The following RAB27B variants were observed in gnomAD, a reference collection of about 807,000 sequenced individuals.
RAB27B encodes ras-related protein Rab-27B.
RAB27B carries 15 observed loss-of-function variants against 24.6 expected under a neutral mutation model. That is an observed-to-expected ratio of 0.61 (90% confidence interval 0.41 to 0.94). The LOEUF (loss-of-function observed/expected upper bound fraction) is 0.94. RAB27B is among the 40% of genes least tolerant of loss of function. RAB27B has a pLI of 0.00. For synonymous variants in RAB27B, 105 were observed against 92.5 expected, an observed-to-expected ratio of 1.14 and a Z score of -0.78; for missense variants, 261 against 266.8, an observed-to-expected ratio of 0.98 and a Z score of 0.15.
intron 2 of RAB27B, among the ~76,000 whole-genome samples, chr18:54,785,007 C>G (rs1772577149): frequency 6.6e-6 from 1 of 152,202 alleles, no homozygotes; most frequent in African/African-American, 2.4e-5. Context: ...TGCCCCCTCC[C>G]CTTGGTGTAT....
rs547384607 is a variant in RAB27B at position 54,889,646 on chromosome 18, C to T, written c.*233C>T. The T allele has an allele frequency of 7.5e-5, 29 of 384,466 alleles. No homozygotes were observed. The highest frequency in any genetic ancestry group is 5.2e-4 in the African/African-American group (25 of 48,406). The allele number at this position is 384,466 out of a possible 1,614,324, so 23.8% of individuals were successfully genotyped here. A position where few individuals can be genotyped will look rare whatever the true frequency, so the allele number is the denominator to read the frequency against. On this transcript the variant is annotated 3_prime_UTR_variant, in exon 6 of 6. Transcript: ENST00000262094. Reference sequence around the variant, plus strand: ...AGATTTCCCAATGTGATCTCATCATCATGGATACTCAATTTGTTTTTTCTT... The same window carrying T: ...AGATTTCCCAATGTGATCTCATCATTATGGATACTCAATTTGTTTTTTCTT...
chr18:54,831,272 G>T (rs750856157), intron 1 of RAB27B, among the ~76,000 whole-genome samples: 1 of 152,086 alleles, frequency 6.6e-6, no homozygotes, highest in Non-Finnish European at 1.5e-5. Context: ...GTAGATATGT[G>T]GAGGAAGAGC....
intron 2 of RAB27B, among the ~76,000 whole-genome samples, chr18:54,815,856 T>C (rs1041055643): frequency 3.3e-5 from 5 of 152,142 alleles, no homozygotes; most frequent in African/African-American, 1.2e-4. Flanking sequence ...ACTCCTGACC[T>C]CAAGTGATCC....
chr18:54,838,501 A>C (rs1910982235), intron 1 of RAB27B, among the ~76,000 whole-genome samples: 1 of 152,132 alleles, frequency 6.6e-6, no homozygotes, highest in Non-Finnish European at 1.5e-5. Context: ...ATTTCTGACT[A>C]TTTAATAATT....
chr18:54,832,787 TA>T lies in RAB27B; in HGVS notation c.-20+4090del, dbSNP rs1389460153. Among the ~76,000 whole-genome samples the T allele has an allele frequency of 2.0e-5, 3 of 152,116 alleles. No homozygotes were observed. The East Asian group carries it at 5.8e-4, about 29-fold the overall frequency. ...TCAATGGTGTCAGACAGGGCCAAGA[TA>T]AACAGTGAGATGAGGACAGAGAAGT... On this transcript the variant is annotated intron_variant, in intron 1 of 5. Transcript: ENST00000262094.
intron 2 of RAB27B, among the ~76,000 whole-genome samples, chr18:54,722,905 G>A (rs557179726): frequency 6.6e-5 from 10 of 152,284 alleles, no homozygotes; most frequent in African/African-American, 2.2e-4. Context: ...TCCTCCTGGA[G>A]TCTATCAGCT....
At chr18:54,736,671 C>G (rs1026808581) in intron 2 of RAB27B, among the ~76,000 whole-genome samples, 1 of 152,088 alleles carries the variant, frequency 6.6e-6, no homozygotes, top group Non-Finnish European at 1.5e-5. Context: ...AGAAAGTCAT[C>G]TCCAAGAAAG....
At position 54,892,166 on chromosome 18, in the gene RAB27B, T is replaced by C. The variant is rs1211454699; in HGVS notation, c.*2753T>C. On this transcript the variant is annotated 3_prime_UTR_variant, in exon 6 of 6. Transcript: ENST00000262094. ...TGTTACTAAGTATCTCCCAATGCTT[T>C]AGTAAAACGTATTTAGGAGAAATGT... is the stretch of plus-strand genomic sequence containing the variant. 2.0e-5 allele frequency: 3 copies of C among 152,102 alleles called. No homozygotes were observed. The highest frequency in any genetic ancestry group is 4.4e-5 in the Non-Finnish European group (3 of 67,994). The allele number at this position is 152,102 out of a possible 1,614,324, so 9.4% of individuals were successfully genotyped here.
intron 2 of RAB27B, among the ~76,000 whole-genome samples, chr18:54,741,971 C>T (rs916245129): frequency 2.6e-5 from 4 of 152,200 alleles, no homozygotes; most frequent in African/African-American, 9.6e-5. Context: ...ATTCTACCTT[C>T]TGGCAAAATC....
chr18:54,837,326 G>T (rs937625173), intron 1 of RAB27B, among the ~76,000 whole-genome samples: 24 of 152,066 alleles, frequency 1.6e-4, no homozygotes, highest in African/African-American at 5.8e-4. Context: ...GCGAGGGTGG[G>T]CATTAACCAG....
intron 4 of RAB27B, among the ~76,000 whole-genome samples, chr18:54,886,936 C>G (rs1280281793): frequency 6.6e-6 from 1 of 151,488 alleles, no homozygotes; most frequent in Non-Finnish European, 1.5e-5. Flanking sequence ...CACAGCTTGA[C>G]AGGTTTCTTA....
At chr18:54,755,613 G>A (rs9947848) in intron 2 of RAB27B, among the ~76,000 whole-genome samples, 1,850 of 152,214 alleles carry the variant, frequency 0.012, 44 homozygotes, top group African/African-American at 0.039. Context: ...CAGAGCTAAG[G>A]AGAGGTCAGA....
intron 1 of RAB27B, among the ~76,000 whole-genome samples, chr18:54,834,180 G>A (rs921256694): frequency 6.6e-6 from 1 of 152,184 alleles, no homozygotes; most frequent in Non-Finnish European, 1.5e-5. Context: ...AGTAGTAGCT[G>A]CCATATAAAG....
At chr18:54,880,599 C>A (rs1214727389) in intron 3 of RAB27B, 1 of 152,180 alleles carries the variant, frequency 6.6e-6, no homozygotes, top group Non-Finnish European at 1.5e-5. Context: ...TACACACACC[C>A]TTCAACACTG....
chr18:54,726,967 A>G (rs1056441826), intron 2 of RAB27B, among the ~76,000 whole-genome samples: 21 of 152,142 alleles, frequency 1.4e-4, no homozygotes, highest in Non-Finnish European at 1.9e-4. Context: ...TAGTTTTTTA[A>G]AGAAAGAGTT....
intron 2 of RAB27B, chr18:54,745,510 C>G (rs1424409446): frequency 1.9e-5 from 3 of 156,142 alleles, no homozygotes; most frequent in African/African-American, 4.8e-5. Flanking sequence ...GAGCTCTTGG[C>G]CTGCCACAGA....
intron 2 of RAB27B, among the ~76,000 whole-genome samples, chr18:54,764,014 T>C (rs1267202414): frequency 3.9e-5 from 6 of 152,202 alleles, no homozygotes; most frequent in African/African-American, 1.2e-4. Flanking sequence ...TGAACATTGC[T>C]CTTTCTCATG....
intron 2 of RAB27B, among the ~76,000 whole-genome samples, chr18:54,771,737 G>A (rs1166576724): frequency 6.6e-6 from 1 of 151,936 alleles, no homozygotes; most frequent in African/African-American, 2.4e-5. Flanking sequence ...TGAGTGGCAA[G>A]GTAGTAGGGG....
At chr18:54,754,889 T>G (rs1907953278) in intron 2 of RAB27B, among the ~76,000 whole-genome samples, 1 of 152,198 alleles carries the variant, frequency 6.6e-6, no homozygotes, top group African/African-American at 2.4e-5. Context: ...GCAATAAATG[T>G]GCCTTGCTAG....
Sources: gnomAD v4.1 joint callset for allele counts (sites outside exome capture counted in the v4.1 genomes callset) on GRCh38, gnomAD v4.1.1 for gene constraint, MANE v1.5 for transcripts, NCBI Gene and HGNC (gene_info 2026-07-23, HGNC 2026-07-21) for gene names.